The following DPP6 variants were observed in gnomAD, a reference collection of about 807,000 sequenced individuals.
The protein encoded by DPP6 is A-type potassium channel modulatory protein DPP6.
A neutral mutation model predicts 122.6 loss-of-function variants in DPP6; 69 were observed. The observed-to-expected ratio is 0.56, with a 90% CI of 0.46 to 0.69. The LOEUF (loss-of-function observed/expected upper bound fraction) is 0.69, where lower values mean the gene tolerates loss of function less well. DPP6 is among the 30% of genes least tolerant of loss of function. The pLI is 0.00. For missense variants in DPP6, 928 were observed against 1,116.9 expected (o/e 0.83, Z 2.41); for synonymous variants, 418 against 433.1 (o/e 0.97, Z 0.43).
chr7:154,522,387 G>T (rs545270718), intron 3 of DPP6, among the ~76,000 whole-genome samples: 1 of 152,112 alleles, frequency 6.6e-6, no homozygotes, highest in African/African-American at 2.4e-5. Flanking sequence ...AGAGGCCTGC[G>T]TGAGGCCCTT....
chr7:154,065,065 A>G (rs1802593850), intron 1 of DPP6, among the ~76,000 whole-genome samples: 1 of 151,712 alleles, frequency 6.6e-6, no homozygotes, highest in South Asian at 2.1e-4. Context: ...ACCTGTCTCA[A>G]CTCCCTAAAT....
In DPP6 at chr7:154,140,490, T is replaced by C. The variant is rs546811335; in HGVS notation, c.243+87427T>C. Among the ~76,000 whole-genome samples the C allele has an allele frequency of 2.1e-3, 324 of 152,320 alleles. 1 individual carries two copies. Among genetic ancestry groups the C allele is most frequent in the Admixed American group, 6.8e-3 (104 of 15,298 alleles). On this transcript the variant is annotated intron_variant, in intron 1 of 25. Coordinates refer to ENST00000377770, the MANE Select transcript of DPP6 (RefSeq NM_130797.4). ...TTTGTTTGTTTGTTTATTTACTTTT[T>C]TTATATTAAAAAGAGAGATGAGGTC...
Position 154,868,021 on chromosome 7 carries a change from C to T in DPP6, c.1741C>T (p.His581Tyr), listed in dbSNP as rs961627818. 1.2e-6 allele frequency: 2 copies of T among 1,605,868 alleles called. No homozygotes were observed. The highest frequency in any genetic ancestry group is 1.3e-5 in the African/African-American group (1 of 74,930). Residue 581 changes from histidine (H) to tyrosine (Y), a missense_variant, in exon 18 of 26, where the codon CAT becomes TAT. Physicochemically the swap from His to Tyr is moderately conservative, Grantham distance 83 (BLOSUM62 2). Coordinates refer to ENST00000377770, the MANE Select transcript of DPP6 (RefSeq NM_130797.4). The part of the protein sequence containing the change: ...KKMFDLETNE[H>Y]VKKAINDRQM... ...AATGTTTGACCTAGAAACAAATGAA[C>T]ATGTCAAGAAGGCCATAAATGACCG...
At chr7:153,916,387 C>A (rs1800319565) in intron 1 of DPP6, among the ~76,000 whole-genome samples, 1 of 136,190 alleles carries the variant, frequency 7.3e-6, no homozygotes, top group Non-Finnish European at 1.6e-5. Context: ...CCCTCTCCTC[C>A]CCTCCCCTCT....
chr7:154,847,497 A>G (rs1485578738), intron 16 of DPP6, among the ~76,000 whole-genome samples: 6 of 151,810 alleles, frequency 4.0e-5, no homozygotes. Context: ...TGTTTTCCCC[A>G]TATTCTTTTA....
At chr7:154,163,835 G>A (rs538529771) in intron 1 of DPP6, among the ~76,000 whole-genome samples, 1 of 152,368 alleles carries the variant, frequency 6.6e-6, no homozygotes, top group East Asian at 1.9e-4. Context: ...GGTGTGTGCA[G>A]TGAGGATGGC....
intron 1 of DPP6, among the ~76,000 whole-genome samples, chr7:154,002,325 T>C (rs984043508): frequency 4.6e-5 from 7 of 151,890 alleles, no homozygotes; most frequent in Admixed American, 1.3e-4. Flanking sequence ...ATAATATAAT[T>C]TGTAGATGAC....
chr7:153,795,459 A>G, the DPP6 span, among the ~76,000 whole-genome samples: 1 of 152,096 alleles, frequency 6.6e-6, no homozygotes, highest in African/African-American at 2.4e-5. Flanking sequence ...CACCTCTTTT[A>G]TTTTTAATAT....
At chr7:153,895,146 GA>G (rs528910338) in intron 1 of DPP6, among the ~76,000 whole-genome samples, 110 of 152,248 alleles carry the variant, frequency 7.2e-4, no homozygotes, top group African/African-American at 2.6e-3. Context: ...TTCACGCCCA[GA>G]AAAAATTAAT....
At chr7:153,956,239 C>G (rs1802456986) in intron 1 of DPP6, among the ~76,000 whole-genome samples, 1 of 151,982 alleles carries the variant, frequency 6.6e-6, no homozygotes, top group Non-Finnish European at 1.5e-5. Context: ...TCAGACCCCA[C>G]CTGCAGGGGT....
intron 1 of DPP6, among the ~76,000 whole-genome samples, chr7:153,967,636 G>A (rs73729244): frequency 1.3e-5 from 2 of 151,912 alleles, no homozygotes; most frequent in Non-Finnish European, 2.9e-5. Context: ...CCTAACATCA[G>A]TGTCTCTCTC....
intron 1 of DPP6, among the ~76,000 whole-genome samples, chr7:154,118,108 A>G (rs912686332): frequency 6.0e-5 from 9 of 149,568 alleles, no homozygotes; most frequent in South Asian, 2.1e-4. Context: ...GGAAGAAAAC[A>G]CAAAAGCTGT....
the DPP6 span, among the ~76,000 whole-genome samples, chr7:153,800,672 G>A: frequency 7.9e-5 from 12 of 151,890 alleles, no homozygotes; most frequent in Admixed American, 2.0e-4. Flanking sequence ...ATGCACCACC[G>A]TGCCAGGCTA....
At chr7:154,300,052 G>A (rs776595691) in intron 1 of DPP6, among the ~76,000 whole-genome samples, 17 of 152,318 alleles carry the variant, frequency 1.1e-4, no homozygotes, top group African/African-American at 2.6e-4. Flanking sequence ...GACTGATTGC[G>A]CCTCAAATCC....
chr7:154,213,106 T>A (rs1486830610), intron 1 of DPP6, among the ~76,000 whole-genome samples: 3 of 152,144 alleles, frequency 2.0e-5, no homozygotes, highest in Non-Finnish European at 4.4e-5. Flanking sequence ...GGATGCCACC[T>A]GCTCTGATGG....
At chr7:154,500,600 T>C (rs1405501616) in intron 3 of DPP6, among the ~76,000 whole-genome samples, 2 of 152,202 alleles carry the variant, frequency 1.3e-5, no homozygotes, top group East Asian at 3.8e-4. Context: ...TTGCACCAGT[T>C]CTGTTCTCTT....
In DPP6 at chr7:154,889,338, G is replaced by A. The variant is rs1450714781; in HGVS notation, c.2371G>A (p.Ala791Thr). ...GCAGTTCCTGATCATTCATCCCACT[G>A]CCGATGGTAAGGACTGAAAACATGA... ...EQQFLIIHPT[A>T]DEKIHFQHTA... The change falls in exon 24 of 26, where the codon GCC becomes ACC. Residue 791 changes from alanine (A) to threonine (T), a missense_variant. Coordinates refer to ENST00000377770, the MANE Select transcript of DPP6 (RefSeq NM_130797.4). The A allele has an allele frequency of 1.2e-6, 2 of 1,612,596 alleles. No homozygotes were observed. The highest frequency in any genetic ancestry group is 1.7e-6 in the Non-Finnish European group (2 of 1,179,622).
chr7:154,840,277 C>T (rs942982567), intron 16 of DPP6, among the ~76,000 whole-genome samples: 7 of 152,182 alleles, frequency 4.6e-5, no homozygotes, highest in South Asian at 2.1e-4. Context: ...GTGGCCATGG[C>T]GAGGTGCCAC....
the DPP6 span, among the ~76,000 whole-genome samples, chr7:153,851,627 A>G: frequency 3.9e-5 from 6 of 152,282 alleles, no homozygotes; most frequent in South Asian, 1.2e-3. Context: ...TATATTACTT[A>G]TATCTTGGTG....
Sources: allele counts gnomAD v4.1 joint callset (sites outside exome capture counted in the v4.1 genomes callset), GRCh38; gene constraint gnomAD v4.1.1; transcripts MANE v1.5; gene names NCBI Gene and HGNC (gene_info 2026-07-23, HGNC 2026-07-21).